RYR2: variants seen among roughly 807,000 people sequenced by gnomAD.
RYR2 encodes the protein ryanodine receptor 2.
A neutral mutation model predicts 601.1 loss-of-function variants in RYR2; 227 were observed. The observed-to-expected ratio is 0.38, with a 90% confidence interval of 0.34 to 0.42. RYR2 has a LOEUF of 0.42. RYR2 is among the 10% of genes least tolerant of loss of function. RYR2 has a pLI of 1.00. For missense variants in RYR2, 4,646 were observed against 6,156.5 expected (o/e 0.75, Z 8.21); for synonymous variants, 2,223 against 2,175.1 (o/e 1.02, Z -0.61).
chr1:237,141,414 C>T (rs1181312974), intron 1 of RYR2, among the ~76,000 whole-genome samples: 1 of 152,148 alleles, frequency 6.6e-6, no homozygotes, highest in Non-Finnish European at 1.5e-5. Flanking sequence ...TTGATCCAGT[C>T]CTCTGAGATC....
At chr1:237,247,636 C>T (rs985038015) in intron 1 of RYR2, among the ~76,000 whole-genome samples, 1 of 152,116 alleles carries the variant, frequency 6.6e-6, no homozygotes, top group Non-Finnish European at 1.5e-5. Flanking sequence ...TGTGGCTCAT[C>T]CAGGAGTGGG....
chr1:237,734,036 T>C (rs575989196), intron 79 of RYR2, among the ~76,000 whole-genome samples: 30 of 152,352 alleles, frequency 2.0e-4, no homozygotes, highest in Non-Finnish European at 3.2e-4. Flanking sequence ...GGGCACACAC[T>C]ACACCTTTGT....
At chr1:237,618,810 C>T (rs186036436) in intron 38 of RYR2, among the ~76,000 whole-genome samples, 24 of 152,258 alleles carry the variant, frequency 1.6e-4, no homozygotes, top group Middle Eastern at 3.4e-3. Context: ...ACTTTATCCC[C>T]GCTGAGTAGT....
chr1:237,565,179 CTTTCTTTCTTTCTTTCTTTCTTTCTTT>C (rs1671900470), intron 27 of RYR2, among the ~76,000 whole-genome samples: 4 of 120,286 alleles, frequency 3.3e-5, no homozygotes, highest in Non-Finnish European at 5.1e-5. Flanking sequence ...TTCTTTCTTT[CTTTCTTTCTTTCTTTCTTTCTTTCTTT>C]CTTTCTTTCT....
chr1:237,641,811 G>GGAGGCGTGAGCCA lies in RYR2; in HGVS notation c.7221+810_7221+811insAGGCGTGAGCCAG, dbSNP rs1681584263. Among the ~76,000 whole-genome samples, 3 of 152,116 alleles carry GGAGGCGTGAGCCA rather than the reference G, an allele frequency of 2.0e-5. No individual in the cohort carries two copies. The South Asian group carries it at 6.2e-4, about 32-fold the overall frequency. On this transcript the variant is annotated intron_variant, in intron 47 of 104. Transcript: ENST00000366574. ...ACTGCCTCGGCCTCCCAAAGTGCTG[G>GGAGGCGTGAGCCA]GCTTACAGGCGTGAGCCAGCGTACC...
rs779813798 is a variant in RYR2, at chr1:237,500,725, A to T, written c.2218A>T (p.Thr740Ser). 6.2e-7 allele frequency: 1 copy of T among 1,610,026 alleles called. No homozygotes were observed. The highest frequency in any genetic ancestry group is 8.5e-7 in the Non-Finnish European group (1 of 1,176,716). ...CCCCCCAATAGGTTGTATTGCTCGT[A>T]CTGTAAGCTCACCAAACCAACATCT... ...LHLWSGCIAR[T>S]VSSPNQHLLR... The change falls in exon 21 of 105, where the codon ACT (threonine) becomes TCT (serine). Residue 740 changes from threonine to serine, a missense_variant. Physicochemically the swap from Thr to Ser is moderately conservative, Grantham distance 58. Transcript: ENST00000366574.
At chr1:237,208,174 T>C (rs1682027839) in intron 1 of RYR2, among the ~76,000 whole-genome samples, 1 of 152,238 alleles carries the variant, frequency 6.6e-6, no homozygotes, top group African/African-American at 2.4e-5. Flanking sequence ...TGAATTAAGA[T>C]ATATGTTGCA....
chr1:237,256,693 T>C (rs1688018884), intron 1 of RYR2, among the ~76,000 whole-genome samples: 1 of 152,204 alleles, frequency 6.6e-6, no homozygotes, highest in African/African-American at 2.4e-5. Context: ...CCAAAGGATA[T>C]GGCAGATGTT....
chr1:237,175,367 T>C (rs1415371359), intron 1 of RYR2, among the ~76,000 whole-genome samples: 1 of 152,330 alleles, frequency 6.6e-6, no homozygotes, highest in African/African-American at 2.4e-5. Context: ...CCTACTGTTA[T>C]AGATGCCAGT....
intron 13 of RYR2, 36 bp from the exon 14 acceptor site, chr1:237,445,365 G>T (rs750380142): frequency 1.3e-5 from 21 of 1,610,646 alleles, no homozygotes; most frequent in Non-Finnish European, 1.7e-5. Context: ...GAAAAGAGAC[G>T]TTGGGAGTAA....
At chr1:237,100,897 A>G (rs1458132822) in intron 1 of RYR2, among the ~76,000 whole-genome samples, 1 of 151,882 alleles carries the variant, frequency 6.6e-6, no homozygotes. Context: ...CTTTCATCCC[A>G]TCTGTCCCGG....
chr1:237,079,442 A>G (rs1304500087), intron 1 of RYR2, among the ~76,000 whole-genome samples: 1 of 48,462 alleles, frequency 2.1e-5, no homozygotes, highest in Non-Finnish European at 3.4e-5. Flanking sequence ...TCAGGATACA[A>G]AATCAATGTA....
At position 237,101,315 on chromosome 1, in the gene RYR2, A is replaced by C. The variant is rs549621057; in HGVS notation, c.48+58746A>C. On this transcript the variant is annotated intron_variant, in intron 1 of 104. Coordinates refer to ENST00000366574, the MANE Select transcript of RYR2 (RefSeq NM_001035.3). Reference sequence around the variant, plus strand: ...TTTAGAAGTTAAAAAAAAAAAAAAAAAAAAAAAAACCTCACAAACAAGATG... The same window carrying C: ...TTTAGAAGTTAAAAAAAAAAAAAAACAAAAAAAAACCTCACAAACAAGATG... Among the ~76,000 whole-genome samples the C allele has an allele frequency of 1.1e-3, 159 of 142,490 alleles. 1 individual carries two copies. The highest frequency in any genetic ancestry group is 3.9e-3 in the African/African-American group (155 of 39,522). 93.5% of individuals were successfully genotyped at this position (142,490 alleles called of 152,430 possible).
At chr1:237,260,874 T>C (rs1292917263) in intron 1 of RYR2, among the ~76,000 whole-genome samples, 2 of 152,230 alleles carry the variant, frequency 1.3e-5, no homozygotes, top group South Asian at 4.1e-4. Context: ...AAAGCTTGTC[T>C]GAAGACATTT....
chr1:237,473,477 C>CTTTCTTTCTTTCTTCTTCTT (rs1553464755), intron 17 of RYR2, among the ~76,000 whole-genome samples: 3 of 145,532 alleles, frequency 2.1e-5, no homozygotes, highest in Admixed American at 7.0e-5. Flanking sequence ...ATCTATCTAT[C>CTTTCTTTCTTTCTTCTTCTT]TGGCATATAT....
rs570277607 is a variant in RYR2 at position 237,631,333 on chromosome 1, C to T, written c.6441-94C>T. ...CTGTGATTGCTTTTACTTTTCAACT[C>T]ACATAAATTATTTCTAAAAGATTTA... On this transcript the variant is annotated intron_variant, in intron 41 of 104. Transcript: ENST00000366574. 15 of 765,436 alleles carry T rather than the reference C, an allele frequency of 2.0e-5. No homozygotes were observed. In the South Asian group the frequency reaches 2.4e-4, roughly 12 times the overall value. 47.4% of individuals were successfully genotyped at this position (765,436 alleles called of 1,614,324 possible). A position where few individuals can be genotyped will look rare whatever the true frequency, so the allele number is the denominator to read the frequency against.
intron 1 of RYR2, among the ~76,000 whole-genome samples, chr1:237,163,355 A>ACCCCCCCC (rs67343728): frequency 3.1e-4 from 28 of 90,270 alleles, no homozygotes; most frequent in African/African-American, 5.9e-4. Context: ...CCAACCCCCT[A>ACCCCCCCC]CCCCCCCCAC....
rs1553503217 is a variant in RYR2 at position 237,565,115 on chromosome 1, T to TTCTTTTTCTTTCTTTCTTTCTTTC, written c.3215-1451_3215-1450insCTTTTTCTTTCTTTCTTTCTTTCT. On this transcript the variant is annotated intron_variant, in intron 27 of 104. Transcript: ENST00000366574. The stretch of plus-strand genomic sequence containing the variant: ...CTTCTCTTTTCTTTTCTTTCTTTCT[T>TTCTTTTTCTTTCTTTCTTTCTTTC]TTTCTTTCTTTCTTTCTTTCTTTCT... Among the ~76,000 whole-genome samples the TTCTTTTTCTTTCTTTCTTTCTTTC allele has an allele frequency of 6.8e-4, 6 of 8,764 alleles. 1 individual carries two copies. The highest frequency in any genetic ancestry group is 8.7e-4 in the African/African-American group (6 of 6,920). 5.7% of individuals were successfully genotyped at this position (8,764 alleles called of 152,430 possible).
chr1:237,536,428 C>T lies in RYR2; in HGVS notation c.2906+5918C>T, dbSNP rs117795084. On this transcript the variant is annotated intron_variant, in intron 25 of 104. Transcript: ENST00000366574. The stretch of plus-strand genomic sequence containing the variant: ...CTACTAAAAAATACAAAAAATTAGC[C>T]GGGTGGCCGGGCGTGGTGGCTCACG... 1.8e-4 allele frequency among the ~76,000 whole-genome samples: 27 copies of T among 150,778 alleles called. No individual in the cohort carries two copies. The East Asian group carries it at 3.5e-3, about 20-fold the overall frequency.
Sources: gnomAD v4.1 joint callset for allele counts (sites outside exome capture counted in the v4.1 genomes callset) on GRCh38, gnomAD v4.1.1 for gene constraint, MANE v1.5 for transcripts, NCBI Gene and HGNC (gene_info 2026-07-23, HGNC 2026-07-21) for gene names.